MYO1G: variants seen among roughly 807,000 people sequenced by gnomAD.
MYO1G encodes the protein unconventional myosin-Ig.
A neutral mutation model predicts 115.3 loss-of-function variants in MYO1G; 65 were observed. The observed-to-expected ratio is 0.56, with a 90% CI of 0.46 to 0.69. MYO1G has a LOEUF of 0.69. MYO1G is among the 30% of genes least tolerant of loss of function. The probability of loss-of-function intolerance (pLI) is 0.00; values close to 1 mark genes in which losing one functional copy is unlikely to be tolerated. For missense variants in MYO1G, 1,204 were observed against 1,393.5 expected (o/e 0.86, Z 2.16); for synonymous variants, 510 against 552.6 (o/e 0.92, Z 1.08).
chr7:44,964,325 C>T lies in MYO1G; in HGVS notation c.2631+90G>A. ...GGTTGCCTCCATTTTCTCCCAAGTG[C>T]CCCCCCAAAACTCTGCACCAGCTTC... On this transcript the variant is annotated intron_variant, in intron 19 of 21. Coordinates refer to ENST00000258787, the MANE Select transcript of MYO1G (RefSeq NM_033054.3). The surrounding 1 kb of genome is among the most constrained non-coding windows in gnomAD (Gnocchi z 5.1). The T allele has an allele frequency of 3.6e-6, 5 of 1,384,834 alleles. No homozygotes were observed. The highest frequency in any genetic ancestry group is 2.3e-5 in the East Asian group (1 of 43,416). The allele number at this position is 1,384,834 out of a possible 1,614,324, so 85.8% of individuals were successfully genotyped here.
chr7:44,975,527 C>G lies in MYO1G; in HGVS notation c.521G>C (p.Gly174Ala), dbSNP rs1468066992. 6.2e-7 allele frequency: 1 copy of G among 1,613,788 alleles called. No homozygotes were observed. Among genetic ancestry groups the G allele is most frequent in the Non-Finnish European group, 8.5e-7 (1 of 1,179,896 alleles). ...GTGGATGTGTCCTCCGATCGGGTCC[C>G]CCTTGAAGTCAAAGTTGATGTCCAT... is the stretch of plus-strand genomic sequence containing the variant. ...KYMDINFDFK[G>A]DPIGGHIHSY... The change falls in exon 4 of 22, where the codon GGG becomes GCG. Residue 174 changes from glycine (G) to alanine (A), a missense_variant. Transcript: ENST00000258787.
chr7:44,975,064 G>T (rs1413104304), intron 5 of MYO1G, 110 bp downstream of exon 5: 1 of 1,146,948 alleles, frequency 8.7e-7, no homozygotes, highest in Admixed American at 1.7e-5. Context: ...GGGTTGAGTG[G>T]GCAGAGAGGG....
At position 44,970,577 on chromosome 7, in the gene MYO1G, T is replaced by G. The variant is rs1562830781; in HGVS notation, c.1217+15A>C. 1.9e-6 allele frequency: 3 copies of G among 1,611,946 alleles called. No homozygotes were observed. Among genetic ancestry groups the G allele is most frequent in the Non-Finnish European group, 2.5e-6 (3 of 1,179,568 alleles). ...TGGGTGTCAGAGGTGGAGATGTGGC[T>G]GGCCAGCCACCCACCTGTTGACGGG... On this transcript the variant is annotated intron_variant, in intron 9 of 21. Transcript: ENST00000258787.
Position 44,964,533 on chromosome 7 carries a change from G to C in MYO1G, c.2527-14C>G. On this transcript the variant is annotated splice_polypyrimidine_tract_variant and intron_variant, in intron 18 of 21. Coordinates refer to ENST00000258787, the MANE Select transcript of MYO1G (RefSeq NM_033054.3). The surrounding 1 kb of genome is among the most constrained non-coding windows in gnomAD (Gnocchi z 5.1). ...ATTGTCAGTGGCCTGAGGACAGATG[G>C]AGGGGAGGGGGCGCTGCTTGGGATT... The C allele has an allele frequency of 6.2e-7, 1 of 1,605,210 alleles. No homozygotes were observed. The highest frequency in any genetic ancestry group is 8.5e-7 in the Non-Finnish European group (1 of 1,172,118).
Position 44,966,378 on chromosome 7 carries a change from G to T in MYO1G, c.1950-98C>A. On this transcript the variant is annotated intron_variant, in intron 15 of 21. Coordinates refer to ENST00000258787, the MANE Select transcript of MYO1G (RefSeq NM_033054.3). This position sits in a 1 kb window ranked among gnomAD's most constrained non-coding sequence, Gnocchi z 5.0. ...CACCTGGGGAGATGGCAGGGATACA[G>T]AGTGTGTTCCTGGAGCACTTATGAC... 8.9e-7 allele frequency: 1 copy of T among 1,124,498 alleles called. No individual in the cohort carries two copies. Among genetic ancestry groups the T allele is most frequent in the Non-Finnish European group, 1.3e-6 (1 of 773,570 alleles). 69.7% of individuals were successfully genotyped at this position (1,124,498 alleles called of 1,614,324 possible).
chr7:44,964,994 C>T lies in MYO1G; in HGVS notation c.2477G>A (p.Arg826His), dbSNP rs751867377. 5.0e-6 allele frequency: 8 copies of T among 1,609,762 alleles called. No homozygotes were observed. The highest frequency in any genetic ancestry group is 2.2e-5 in the East Asian group (1 of 44,772). ...GGCCCGTCGGCAGCCCCAGTCCTGA[C>T]GAAGCCCTTGCAGGGCCCCCATGGC... Reference protein sequence around the residue: ...VAAMGALQGLRQDWGCRRAWA... With the variant: ...VAAMGALQGLHQDWGCRRAWA... Residue 826 changes from arginine (R) to histidine (H), a missense_variant, in exon 18 of 22, where the codon CGT (arginine) becomes CAT (histidine). Transcript: ENST00000258787. This position sits in a 1 kb window ranked among gnomAD's most constrained non-coding sequence, Gnocchi z 5.1.
chr7:44,976,730 AC>A, intron 2 of MYO1G, 73 bp from the exon 3 acceptor site: 3 of 1,593,204 alleles, frequency 1.9e-6, no homozygotes, highest in Non-Finnish European at 1.7e-6. Flanking sequence ...GCCCACTCAC[AC>A]CCCCAAGACT....
At chr7:44,971,442 T>A (rs1794956250) in intron 7 of MYO1G, among the ~76,000 whole-genome samples, 1 of 152,242 alleles carries the variant, frequency 6.6e-6, no homozygotes, top group Non-Finnish European at 1.5e-5. Context: ...AGAGGCAGTC[T>A]GCATGATGCT....
chr7:44,965,218 C>T, intron 17 of MYO1G, 129 bp from the exon 18 acceptor site: 3 of 1,358,716 alleles, frequency 2.2e-6, no homozygotes, highest in Non-Finnish European at 3.0e-6. Flanking sequence ...CCTCTGCCGG[C>T]CTCTCTGGCC....
chr7:44,965,517 T>C, intron 17 of MYO1G, 120 bp downstream of exon 17: 1 of 940,496 alleles, frequency 1.1e-6, no homozygotes, highest in South Asian at 1.5e-5. Context: ...AGCATCCACC[T>C]TCCCACCTAT....
intron 4 of MYO1G, 33 bp from the exon 5 acceptor site, chr7:44,975,260 G>A: frequency 1.2e-6 from 2 of 1,612,722 alleles, no homozygotes; most frequent in Non-Finnish European, 1.7e-6. Flanking sequence ...ACTCAGGCCT[G>A]GGAAGGAGTC....
Position 44,963,486 on chromosome 7 carries a change from T to G in MYO1G, c.2746-362A>C. On this transcript the variant is annotated intron_variant, in intron 20 of 21. Transcript: ENST00000258787. This position sits in a 1 kb window ranked among gnomAD's most constrained non-coding sequence, Gnocchi z 4.1. ...ACTGCATTTAAACAACCACGCCGGC[T>G]TTGGGCTGTGGCATTACACAGCAAG... is the stretch of plus-strand genomic sequence containing the variant. The G allele has an allele frequency of 7.7e-6, 2 of 258,578 alleles. No individual in the cohort carries two copies. The highest frequency in any genetic ancestry group is 7.3e-6 in the Non-Finnish European group (1 of 136,510). 16.0% of individuals were successfully genotyped at this position (258,578 alleles called of 1,614,324 possible).
Position 44,972,192 on chromosome 7 carries a change from C to T in MYO1G, c.652G>A (p.Glu218Lys), listed in dbSNP as rs773599271. The change falls in exon 6 of 22, where the codon GAA (glutamate) becomes AAA (lysine). Residue 218 changes from glutamate (E) to lysine (K), a missense_variant. Glu to Lys is a moderately conservative substitution (Grantham distance 56). Coordinates refer to ENST00000258787, the MANE Select transcript of MYO1G (RefSeq NM_033054.3). ...GCAGGGTTTCTCTCCAAGTGCAGTT[C>T]ATGCAGCTGCTTGTCCTCACTGCCT... Reference protein sequence around the residue: ...LRGSEDKQLHELHLERNPAVY... With the variant: ...LRGSEDKQLHKLHLERNPAVY... The T allele has an allele frequency of 6.2e-7, 1 of 1,614,084 alleles. No homozygotes were observed. Among genetic ancestry groups the T allele is most frequent in the Non-Finnish European group, 8.5e-7 (1 of 1,180,002 alleles).
chr7:44,964,337 T>C lies in MYO1G; in HGVS notation c.2631+78A>G. On this transcript the variant is annotated intron_variant, in intron 19 of 21. Coordinates refer to ENST00000258787, the MANE Select transcript of MYO1G (RefSeq NM_033054.3). The surrounding 1 kb of genome is among the most constrained non-coding windows in gnomAD (Gnocchi z 5.1). ...TTTCTCCCAAGTGCCCCCCCAAAACTCTGCACCAGCTTCTAACCTTGCAGA... is the reference window on the plus strand; with the variant it reads ...TTTCTCCCAAGTGCCCCCCCAAAACCCTGCACCAGCTTCTAACCTTGCAGA... 3.4e-6 allele frequency: 5 copies of C among 1,465,282 alleles called. No homozygotes were observed. The highest frequency in any genetic ancestry group is 2.3e-5 in the South Asian group (2 of 87,900). 90.8% of individuals were successfully genotyped at this position (1,465,282 alleles called of 1,614,324 possible).
At chr7:44,968,749 C>T (rs991410914) in intron 12 of MYO1G, 3 of 152,488 alleles carry the variant, frequency 2.0e-5, no homozygotes, top group African/African-American at 7.2e-5. Flanking sequence ...AGGTGATCCA[C>T]CCACTTTGGC....
In MYO1G at chr7:44,966,564, G is replaced by GCTT. The variant is rs1362109646; in HGVS notation, c.1949+105_1949+107dup. The GCTT allele has an allele frequency of 1.4e-5, 19 of 1,386,578 alleles. No homozygotes were observed. Among genetic ancestry groups the GCTT allele is most frequent in the Non-Finnish European group, 1.9e-5 (19 of 985,170 alleles). 85.9% of individuals were successfully genotyped at this position (1,386,578 alleles called of 1,614,324 possible). A position where few individuals can be genotyped will look rare whatever the true frequency, so the allele number is the denominator to read the frequency against. ...TGAGGCCAGCAGCGTGCTGGTTCCT[G>GCTT]CTTGTATCGATGTTTGCGACGTGCT... On this transcript the variant is annotated intron_variant, in intron 15 of 21. Coordinates refer to ENST00000258787, the MANE Select transcript of MYO1G (RefSeq NM_033054.3). The surrounding 1 kb of genome is among the most constrained non-coding windows in gnomAD (Gnocchi z 5.0).
rs1244850743 is a variant in MYO1G, at chr7:44,976,794, C to G, written c.304+69G>C. ...CAGGACACAGGGCACAGGAGATGCT[C>G]TAATGGCCCTCCCAAATGTTCACAA... is the stretch of plus-strand genomic sequence containing the variant. On this transcript the variant is annotated intron_variant, in intron 2 of 21. Coordinates refer to ENST00000258787, the MANE Select transcript of MYO1G (RefSeq NM_033054.3). 3 of 1,587,762 alleles carry G rather than the reference C, an allele frequency of 1.9e-6. No homozygotes were observed. The African/African-American group carries it at 4.0e-5, about 21-fold the overall frequency.
rs7792760 is a variant in MYO1G at position 44,964,464 on chromosome 7, T to C, written c.2582A>G (p.Gln861Arg). 0.86 allele frequency: 1,381,762 copies of C among 1,613,836 alleles called. 592,678 individuals are homozygous for C. Among genetic ancestry groups the C allele is most frequent in the African/African-American group, 0.97 (72,580 of 75,008 alleles). Residue 861 changes from glutamine (Q) to arginine (R), a missense_variant, in exon 19 of 22, where the codon CAG becomes CGG. Coordinates refer to ENST00000258787, the MANE Select transcript of MYO1G (RefSeq NM_033054.3). This position sits in a 1 kb window ranked among gnomAD's most constrained non-coding sequence, Gnocchi z 5.1. ...SLFAQRLKTL[Q>R]DKDGFGAVLF... ...CACAGCCCCGAAGCCATCTTTGTCC[T>C]GAAGTGTCTTTAGTCGCTGAGCAAA...
Position 44,964,402 on chromosome 7 carries a change from T to C in MYO1G, c.2631+13A>G. Reference sequence around the variant, plus strand: ...GAGCACAGCCCTGAAGCCATCCTTGTCCCTTGTCTAACCTTGCGGACATGG... The same window carrying C: ...GAGCACAGCCCTGAAGCCATCCTTGCCCCTTGTCTAACCTTGCGGACATGG... On this transcript the variant is annotated intron_variant, in intron 19 of 21. Coordinates refer to ENST00000258787, the MANE Select transcript of MYO1G (RefSeq NM_033054.3). This position sits in a 1 kb window ranked among gnomAD's most constrained non-coding sequence, Gnocchi z 5.1. 1 of 1,608,318 alleles carries C rather than the reference T, an allele frequency of 6.2e-7. No homozygotes were observed. Among genetic ancestry groups the C allele is most frequent in the Non-Finnish European group, 8.5e-7 (1 of 1,174,840 alleles).
Sources: allele counts gnomAD v4.1 joint callset (sites outside exome capture counted in the v4.1 genomes callset), GRCh38; gene constraint gnomAD v4.1.1; non-coding constraint Gnocchi (gnomAD v3.1); transcripts MANE v1.5; gene names NCBI Gene and HGNC (gene_info 2026-07-23, HGNC 2026-07-21).